The following GRIK3 variants were observed in gnomAD, a reference collection of about 807,000 sequenced individuals.
The protein encoded by GRIK3 is glutamate receptor ionotropic, kainate 3.
A neutral mutation model predicts 102.5 loss-of-function variants in GRIK3; 29 were observed. The observed-to-expected ratio is 0.28, with a 90% confidence interval of 0.21 to 0.39. The LOEUF is 0.39. Ranked by LOEUF, GRIK3 falls within the 10% of genes least tolerant of loss-of-function variation. GRIK3 has a pLI of 1.00. For synonymous variants in GRIK3, 511 were observed against 504.9 expected, an observed-to-expected ratio of 1.01 and a Z score of -0.16; for missense variants, 908 against 1,252.4, an observed-to-expected ratio of 0.73 and a Z score of 4.15.
At chr1:37,003,052 T>C (rs891469195) in intron 1 of GRIK3, among the ~76,000 whole-genome samples, 2 of 144,262 alleles carry the variant, frequency 1.4e-5, no homozygotes, top group Admixed American at 7.0e-5. Flanking sequence ...CCAGAGGTAC[T>C]AGGGTGACTT....
intron 1 of GRIK3, among the ~76,000 whole-genome samples, chr1:36,970,110 G>T (rs1347120592): frequency 6.6e-6 from 1 of 152,190 alleles, no homozygotes; most frequent in Non-Finnish European, 1.5e-5. Context: ...GGAGACCTGT[G>T]TTAGCAGCCA....
chr1:36,841,942 G>A lies in GRIK3; in HGVS notation c.1327-3C>T, dbSNP rs1360147080. The A allele has an allele frequency of 1.2e-6, 2 of 1,613,458 alleles. No individual in the cohort carries two copies. The highest frequency in any genetic ancestry group is 1.7e-5 in the Admixed American group (1 of 60,032). ...CGAAACATGACGAAGGGCTCCTCCT[G>A]CAGAGACAGATGGGCAGGGTGTGAC... On this transcript the variant is annotated splice_polypyrimidine_tract_variant and splice_region_variant and intron_variant, in intron 9 of 15. Coordinates refer to ENST00000373091, the MANE Select transcript of GRIK3 (RefSeq NM_000831.4).
intron 1 of GRIK3, among the ~76,000 whole-genome samples, chr1:36,995,849 G>T (rs946786603): frequency 6.6e-6 from 1 of 152,200 alleles, no homozygotes; most frequent in Admixed American, 6.5e-5. Context: ...AACAGAGCTG[G>T]CAAGGCACTT....
At chr1:36,982,273 A>AGCCAAAGGT (rs1353608098) in intron 1 of GRIK3, among the ~76,000 whole-genome samples, 1 of 152,194 alleles carries the variant, frequency 6.6e-6, no homozygotes, top group Non-Finnish European at 1.5e-5. Flanking sequence ...CCGGGCTGGC[A>AGCCAAAGGT]GCCAAAGGTG....
At chr1:36,830,461 G>A (rs1390097184) in intron 10 of GRIK3, among the ~76,000 whole-genome samples, 1 of 151,964 alleles carries the variant, frequency 6.6e-6, no homozygotes. Context: ...TTAAAATGAA[G>A]TTATACTGAA....
At chr1:36,888,603 T>C (rs1406856874) in intron 2 of GRIK3, among the ~76,000 whole-genome samples, 2 of 152,194 alleles carry the variant, frequency 1.3e-5, no homozygotes, top group African/African-American at 4.8e-5. Flanking sequence ...ATAAGCTCCA[T>C]GGTCACAGGA....
At chr1:36,904,018 C>A (rs1221039312) in intron 1 of GRIK3, among the ~76,000 whole-genome samples, 1 of 151,986 alleles carries the variant, frequency 6.6e-6, no homozygotes, top group Admixed American at 6.5e-5. Flanking sequence ...ACAAATGTAC[C>A]TCTCTGGTGG....
At chr1:36,848,493 C>T (rs1382769255) in intron 9 of GRIK3, among the ~76,000 whole-genome samples, 1 of 151,828 alleles carries the variant, frequency 6.6e-6, no homozygotes, top group African/African-American at 2.4e-5. Context: ...ACACTTTTAT[C>T]CTTTTGCTTT....
At chr1:36,933,146 C>T (rs145429353) in intron 1 of GRIK3, among the ~76,000 whole-genome samples, 8 of 152,286 alleles carry the variant, frequency 5.3e-5, no homozygotes, top group Non-Finnish European at 1.0e-4. Flanking sequence ...GCAAGCTGAA[C>T]TCTCTGCTTT....
Position 36,825,898 on chromosome 1 carries a change from G to C in GRIK3, c.1531-72C>G, listed in dbSNP as rs1642750679. ...GAATAGCGGGAGACAGAACACCATT[G>C]CTGGAGGAGAGATGAGGGTGAAGTC... On this transcript the variant is annotated intron_variant, in intron 10 of 15. Coordinates refer to ENST00000373091, the MANE Select transcript of GRIK3 (RefSeq NM_000831.4). The C allele has an allele frequency of 3.6e-6, 4 of 1,096,522 alleles. No homozygotes were observed. In the South Asian group the frequency reaches 6.0e-5, roughly 16 times the overall value. 67.9% of individuals were successfully genotyped at this position (1,096,522 alleles called of 1,614,324 possible).
intron 1 of GRIK3, among the ~76,000 whole-genome samples, chr1:37,019,562 G>T (rs566724311): frequency 1.4e-4 from 21 of 152,226 alleles, no homozygotes; most frequent in Non-Finnish European, 2.8e-4. Flanking sequence ...CTACCATGAG[G>T]ACATTCAAAT....
At chr1:36,813,218 C>A (rs775350337) in intron 13 of GRIK3, among the ~76,000 whole-genome samples, 1 of 152,138 alleles carries the variant, frequency 6.6e-6, no homozygotes, top group Non-Finnish European at 1.5e-5. Flanking sequence ...GCCTTCCTTT[C>A]GTCATGTTTC....
chr1:36,849,212 A>G (rs140305113), intron 9 of GRIK3, among the ~76,000 whole-genome samples: 2 of 152,214 alleles, frequency 1.3e-5, no homozygotes, highest in Non-Finnish European at 2.9e-5. Flanking sequence ...CACCAAGCAC[A>G]TATATGGTGA....
chr1:36,887,224 A>T (rs1184377002), intron 2 of GRIK3, among the ~76,000 whole-genome samples: 1 of 152,248 alleles, frequency 6.6e-6, no homozygotes, highest in African/African-American at 2.4e-5. Flanking sequence ...GAAAGATAAA[A>T]CAACAGCATT....
At chr1:36,903,079 G>A (rs546195792) in intron 1 of GRIK3, among the ~76,000 whole-genome samples, 5 of 152,094 alleles carry the variant, frequency 3.3e-5, no homozygotes, top group African/African-American at 7.2e-5. Context: ...GAGCCACCAC[G>A]CCCGGCCTGA....
At chr1:36,982,509 G>A (rs1642260543) in intron 1 of GRIK3, among the ~76,000 whole-genome samples, 1 of 152,236 alleles carries the variant, frequency 6.6e-6, no homozygotes, top group Non-Finnish European at 1.5e-5. Flanking sequence ...GGAACACACA[G>A]TCCAGGGCCA....
At chr1:36,926,481 C>T (rs527342316) in intron 1 of GRIK3, among the ~76,000 whole-genome samples, 1 of 151,966 alleles carries the variant, frequency 6.6e-6, no homozygotes, top group Admixed American at 6.6e-5. Context: ...ACCTCTGCCT[C>T]CCGGGTTCAA....
intron 1 of GRIK3, among the ~76,000 whole-genome samples, chr1:37,011,891 G>A (rs1051009265): frequency 9.2e-5 from 14 of 152,254 alleles, no homozygotes; most frequent in African/African-American, 3.4e-4. Context: ...GTGATGCCAG[G>A]GCTTCCAGAG....
At chr1:36,860,062 G>C (rs1640704267) in intron 5 of GRIK3, 45 bp from the exon 6 acceptor site, 2 of 1,453,664 alleles carry the variant, frequency 1.4e-6, no homozygotes, top group Non-Finnish European at 1.9e-6. Context: ...GCTCACTGCT[G>C]AGAACTCCAG....
Sources: gnomAD v4.1 joint callset for allele counts (sites outside exome capture counted in the v4.1 genomes callset) on GRCh38, gnomAD v4.1.1 for gene constraint, MANE v1.5 for transcripts, NCBI Gene and HGNC (gene_info 2026-07-23, HGNC 2026-07-21) for gene names.